Variants in C10orf67 observed in about 807,000 individuals in gnomAD.
The protein encoded by C10orf67 is chromosome 10 open reading frame 67.
Under a neutral mutation model 35.6 loss-of-function variants are expected in C10orf67, and 60 were observed. That is an observed-to-expected ratio of 1.68 (90% CI 1.37 to 2.09). The LOEUF (loss-of-function observed/expected upper bound fraction) is 2.09. Among genes scored for constraint, C10orf67 ranks in the 30% most tolerant of loss-of-function variants. C10orf67 has a pLI of 0.00. For missense variants in C10orf67, 474 were observed against 330.2 expected, an observed-to-expected ratio of 1.44 and a Z score of -3.38; for synonymous variants, 167 against 115.8, an observed-to-expected ratio of 1.44 and a Z score of -2.84.
downstream of C10orf67, chr10:23,202,575 A>G (rs1224115711): frequency 6.6e-6 from 1 of 152,186 alleles, no homozygotes; most frequent in Non-Finnish European, 1.5e-5. Flanking sequence ...TGCAAAACAT[A>G]CAGCAAAACT....
intron 8 of C10orf67, among the ~76,000 whole-genome samples, chr10:23,272,699 A>G (rs746205488): frequency 2.1e-4 from 32 of 152,222 alleles, no homozygotes; most frequent in Non-Finnish European, 1.3e-4. Flanking sequence ...ATTTTAGGAT[A>G]GGCTTGTTGA....
chr10:23,204,199 T>C lies in C10orf67; in HGVS notation c.1627A>G (p.Ser543Gly), dbSNP rs769552027. ...ESLEEPSMRQ[S>G]SPAETVD The stretch of plus-strand genomic sequence containing the variant: ...TAATCAACAGTCTCTGCGGGGCTGC[T>C]CTGGCGCATGGAGGGCTCCTCCAAG... Residue 543 changes from serine (S) to glycine (G), a missense_variant, in exon 16 of 16, where the codon AGC becomes GGC. Ser to Gly is a moderately conservative substitution (Grantham distance 56). Transcript: ENST00000636213. The C allele has an allele frequency of 3.1e-6, 2 of 651,016 alleles. No individual in the cohort carries two copies. Among genetic ancestry groups the C allele is most frequent in the Non-Finnish European group, 5.7e-6 (2 of 348,454 alleles). 40.3% of individuals were successfully genotyped at this position (651,016 alleles called of 1,614,324 possible). A position where few individuals can be genotyped will look rare whatever the true frequency, so the allele number is the denominator to read the frequency against.
intron 15 of C10orf67, among the ~76,000 whole-genome samples, chr10:23,216,002 T>G (rs1841420358): frequency 1.3e-5 from 2 of 152,144 alleles, no homozygotes; most frequent in African/African-American, 4.8e-5. Flanking sequence ...TCATACTTCA[T>G]GATGACACTT....
chr10:23,306,549 A>C (rs60500160), intron 4 of C10orf67, among the ~76,000 whole-genome samples: 11,051 of 151,014 alleles, frequency 0.073, 943 homozygotes, highest in African/African-American at 0.21. Flanking sequence ...AAAAAAAAAA[A>C]AAGAATGGTG....
At chr10:23,219,798 A>T (rs939999661) in intron 15 of C10orf67, among the ~76,000 whole-genome samples, 13 of 152,150 alleles carry the variant, frequency 8.5e-5, no homozygotes, top group African/African-American at 2.7e-4. Context: ...CTCTTTTCAA[A>T]ACATATACTG....
downstream of C10orf67, chr10:23,202,496 A>G (rs1305618608): frequency 6.0e-5 from 9 of 150,084 alleles, no homozygotes; most frequent in Non-Finnish European, 3.0e-5. Context: ...AGACTAATGC[A>G]GCTGCAAGTT....
At chr10:23,295,600 C>T (rs371819408) in intron 5 of C10orf67, among the ~76,000 whole-genome samples, 10 of 152,230 alleles carry the variant, frequency 6.6e-5, no homozygotes, top group African/African-American at 1.2e-4. Flanking sequence ...TTTAGCCAGG[C>T]GGGTATCATG....
At chr10:23,254,508 C>G (rs1451050030) in intron 10 of C10orf67, among the ~76,000 whole-genome samples, 1 of 152,116 alleles carries the variant, frequency 6.6e-6, no homozygotes, top group Non-Finnish European at 1.5e-5. Context: ...CCACTACTGG[C>G]TGTGATTTAA....
chr10:23,223,112 C>T (rs1026731834), intron 15 of C10orf67, among the ~76,000 whole-genome samples: 46 of 152,008 alleles, frequency 3.0e-4, no homozygotes, highest in African/African-American at 1.1e-3. Context: ...CAAGGTCTCA[C>T]TCTGTCACCC....
Position 23,203,409 on chromosome 10 carries a change from C to T in C10orf67, c.*764G>A, listed in dbSNP as rs892157280. 39 of 152,178 alleles carry T rather than the reference C, an allele frequency of 2.6e-4. No homozygotes were observed. Among genetic ancestry groups the T allele is most frequent in the African/African-American group, 8.4e-4 (35 of 41,440 alleles). The allele number at this position is 152,178 out of a possible 1,614,324, so 9.4% of individuals were successfully genotyped here. A position where few individuals can be genotyped will look rare whatever the true frequency, so the allele number is the denominator to read the frequency against. ...ACTACCACAAATATATTTCCTGAGA[C>T]TTAATAAATAACTGTAGAATTCTGT... On this transcript the variant is annotated 3_prime_UTR_variant, in exon 16 of 16. Coordinates refer to ENST00000636213, the MANE Select transcript of C10orf67 (RefSeq NM_001371909.1).
chr10:23,264,167 A>G (rs538769703), intron 10 of C10orf67, among the ~76,000 whole-genome samples: 1 of 152,346 alleles, frequency 6.6e-6, no homozygotes, highest in East Asian at 1.9e-4. Flanking sequence ...AATATTTAAA[A>G]GAGAGGAGCG....
At chr10:23,315,904 A>G (rs544067025) in intron 4 of C10orf67, among the ~76,000 whole-genome samples, 1 of 152,148 alleles carries the variant, frequency 6.6e-6, no homozygotes, top group South Asian at 2.1e-4. Flanking sequence ...CTGTAACGTC[A>G]GACTCCTGGG....
intron 10 of C10orf67, chr10:23,258,556 T>C: frequency 5.9e-6 from 1 of 168,454 alleles, no homozygotes; most frequent in East Asian, 1.4e-4. Flanking sequence ...TAGCACCACC[T>C]CAGCCCTGAG....
At chr10:23,218,962 A>G (rs143026240) in intron 15 of C10orf67, among the ~76,000 whole-genome samples, 2,763 of 152,288 alleles carry the variant, frequency 0.018, 35 homozygotes, top group Middle Eastern at 0.092. Context: ...ACTAACTTAC[A>G]ATTTCTTACG....
intron 7 of C10orf67, among the ~76,000 whole-genome samples, chr10:23,285,322 A>C (rs962846565): frequency 4.6e-5 from 7 of 150,646 alleles, no homozygotes; most frequent in African/African-American, 1.7e-4. Flanking sequence ...TTAAAAAAAA[A>C]AATCAAGCAG....
At chr10:23,247,271 GGTAAGT>G (rs1376360906) in intron 12 of C10orf67, among the ~76,000 whole-genome samples, 1 of 152,004 alleles carries the variant, frequency 6.6e-6, no homozygotes, top group Non-Finnish European at 1.5e-5. Context: ...CTCCATTCAT[GGTAAGT>G]GCCTTATACA....
intron 5 of C10orf67, among the ~76,000 whole-genome samples, chr10:23,300,960 A>G (rs1034136264): frequency 6.6e-6 from 1 of 152,242 alleles, no homozygotes; most frequent in African/African-American, 2.4e-5. Context: ...TGTCCATGTC[A>G]GATCAAAGGA....
chr10:23,240,381 T>C (rs1161920855), intron 12 of C10orf67, among the ~76,000 whole-genome samples: 3 of 152,194 alleles, frequency 2.0e-5, no homozygotes, highest in African/African-American at 7.2e-5. Context: ...AGGCAATAAA[T>C]GCACAGAATG....
intron 13 of C10orf67, among the ~76,000 whole-genome samples, chr10:23,230,361 A>C (rs529526923): frequency 6.8e-4 from 104 of 152,320 alleles, no homozygotes; most frequent in African/African-American, 2.5e-3. Flanking sequence ...CAAAAGTTTA[A>C]AGACCATAGA....
Sources: gnomAD v4.1 joint callset for allele counts (sites outside exome capture counted in the v4.1 genomes callset) on GRCh38, gnomAD v4.1.1 for gene constraint, MANE v1.5 for transcripts, NCBI Gene and HGNC (gene_info 2026-07-23, HGNC 2026-07-21) for gene names.